MYCBP2: variants seen among roughly 807,000 people sequenced by gnomAD.
The protein encoded by MYCBP2 is MYC binding protein 2, also known as E3 ubiquitin-protein ligase MYCBP2.
A neutral mutation model predicts 525.3 loss-of-function variants in MYCBP2; 120 were observed. That is an observed-to-expected ratio of 0.23 (90% confidence interval 0.20 to 0.27). The LOEUF is 0.27. Among genes scored for constraint, MYCBP2 ranks in the 10% least tolerant of loss-of-function variants. The pLI, the probability that MYCBP2 is intolerant of heterozygous loss-of-function variation, is 1.00. For missense variants in MYCBP2, 4,149 were observed against 5,657.1 expected, an observed-to-expected ratio of 0.73 and a Z score of 8.55; for synonymous variants, 1,894 against 1,955.8, an observed-to-expected ratio of 0.97 and a Z score of 0.83.
At chr13:77,104,730 C>T (rs559852063) in intron 55 of MYCBP2, among the ~76,000 whole-genome samples, 4 of 152,018 alleles carry the variant, frequency 2.6e-5, no homozygotes, top group South Asian at 4.1e-4. Flanking sequence ...ACCTTAGAAC[C>T]GACAACTGAA....
chr13:77,282,924 A>T (rs1490748557), intron 3 of MYCBP2, among the ~76,000 whole-genome samples: 1 of 152,064 alleles, frequency 6.6e-6, no homozygotes, highest in Admixed American at 6.5e-5. Flanking sequence ...TATTCAAAAC[A>T]CTGTCACTAC....
intron 79 of MYCBP2, among the ~76,000 whole-genome samples, chr13:77,056,099 GGTGTGTGTGTGTGTGTGTGTGTGTGTGT>G (rs56952443): frequency 5.8e-5 from 7 of 120,522 alleles, no homozygotes; most frequent in Admixed American, 8.5e-5. Context: ...CTCTGTGTTT[GGTGTGTGTGTGTGTGTGTGTGTGTGTGT>G]GTGTGTGTGT....
At position 77,165,277 on chromosome 13, in the gene MYCBP2, T is replaced by C; in HGVS notation, c.6455A>G (p.Asp2152Gly). 1 of 1,598,254 alleles carries C rather than the reference T, an allele frequency of 6.3e-7. No homozygotes were observed. Among genetic ancestry groups the C allele is most frequent in the South Asian group, 1.1e-5 (1 of 89,054 alleles). Reference sequence around the variant, plus strand: ...GAAAAGATAATTCATTCTTACCTCATCAGGTCCAGGGCTAAATTCATATCC... The same window carrying C: ...GAAAAGATAATTCATTCTTACCTCACCAGGTCCAGGGCTAAATTCATATCC... ...AIGYEFSPGPDEGVIQLEKEL... is the reference protein window; with the variant it reads ...AIGYEFSPGPGEGVIQLEKEL... The change falls in exon 42 of 83, where the codon GAT (aspartate) becomes GGT (glycine). Residue 2152 changes from aspartate to glycine, a missense_variant. Asp to Gly is a moderately conservative substitution (Grantham distance 94). This residue lies in a region of MYCBP2 where 692 missense variants were observed against 852.7 expected (regional missense o/e 0.81). Transcript: ENST00000544440.
intron 52 of MYCBP2, among the ~76,000 whole-genome samples, chr13:77,135,352 G>A (rs2154177514): frequency 6.6e-6 from 1 of 152,314 alleles, no homozygotes; most frequent in South Asian, 2.1e-4. Context: ...AGCAGTAAAT[G>A]TATAAGACAT....
intron 1 of MYCBP2, among the ~76,000 whole-genome samples, chr13:77,308,027 T>G (rs1158310808): frequency 2.6e-5 from 4 of 152,238 alleles, no homozygotes; most frequent in Non-Finnish European, 5.9e-5. Flanking sequence ...TTACAAACCT[T>G]GTTCAATAAG....
At chr13:77,256,034 G>C (rs932092753) in intron 14 of MYCBP2, among the ~76,000 whole-genome samples, 1 of 151,986 alleles carries the variant, frequency 6.6e-6, no homozygotes, top group Non-Finnish European at 1.5e-5. Context: ...AACAAAACAA[G>C]ACCACAGCAA....
In MYCBP2 at chr13:77,158,016, G is replaced by T; in HGVS notation, c.6691C>A (p.Gln2231Lys). 6.2e-7 allele frequency: 1 copy of T among 1,613,698 alleles called. No individual in the cohort carries two copies. The highest frequency in any genetic ancestry group is 8.5e-7 in the Non-Finnish European group (1 of 1,179,774). ...LEALEGNLPL[Q>K]IQSNEQSFLD... The stretch of plus-strand genomic sequence containing the variant: ...AAAGACTGTTCATTGCTTTGGATTT[G>T]GAGTGGTAAATTTCCCTCAAGTGCT... The change falls in exon 45 of 83, where the codon CAA becomes AAA. Residue 2231 changes from glutamine to lysine, a missense_variant. By Grantham distance (53) the Gln-to-Lys change is moderately conservative (BLOSUM62 1). This residue lies in a region of MYCBP2 where 692 missense variants were observed against 852.7 expected (regional missense o/e 0.81). Coordinates refer to ENST00000544440, the MANE Select transcript of MYCBP2 (RefSeq NM_015057.5).
intron 21 of MYCBP2, among the ~76,000 whole-genome samples, chr13:77,214,769 G>A (rs2064566847): frequency 6.6e-6 from 1 of 152,104 alleles, no homozygotes; most frequent in African/African-American, 2.4e-5. Flanking sequence ...ACAGCATGCT[G>A]GTGTACTGAA....
At chr13:77,287,469 G>GA (rs1236088920) in intron 3 of MYCBP2, among the ~76,000 whole-genome samples, 1 of 152,294 alleles carries the variant, frequency 6.6e-6, no homozygotes, top group Non-Finnish European at 1.5e-5. Context: ...ACAGGTGTGA[G>GA]AGCCACTGCG....
chr13:77,324,772 T>C (rs546159206), intron 1 of MYCBP2, among the ~76,000 whole-genome samples: 2 of 152,326 alleles, frequency 1.3e-5, no homozygotes, highest in Non-Finnish European at 2.9e-5. Flanking sequence ...ACAGAAATCA[T>C]ATTACACTAG....
intron 52 of MYCBP2, among the ~76,000 whole-genome samples, chr13:77,137,715 A>G (rs552182878): frequency 3.7e-4 from 56 of 152,202 alleles, no homozygotes; most frequent in South Asian, 3.5e-3. Context: ...CAGCCTCCAG[A>G]GTAGCTAGGA....
In MYCBP2 at chr13:77,098,765, T is replaced by C. The variant is rs756186104; in HGVS notation, c.8389A>G (p.Thr2797Ala). The change falls in exon 56 of 83, where the codon ACA (threonine) becomes GCA (alanine). Residue 2797 changes from threonine (T) to alanine (A), a missense_variant. Thr to Ala is a moderately conservative substitution (Grantham distance 58). Transcript: ENST00000544440. ...SLSPNHNTLQ[T>A]LKSDGRMPSS... The stretch of plus-strand genomic sequence containing the variant: ...GGCATCCTCCCATCAGATTTCAATG[T>C]CTGCAAGGTGTTATGGTTGGGGGAT... 2 of 1,613,424 alleles carry C rather than the reference T, an allele frequency of 1.2e-6. No homozygotes were observed. The highest frequency in any genetic ancestry group is 2.7e-5 in the African/African-American group (2 of 74,796).
In MYCBP2 at chr13:77,045,425, C is replaced by G; in HGVS notation, c.13990G>C (p.Glu4664Gln). ...LHVVHPPTGE[E>Q]FALGCGVCRN... Reference sequence around the variant, plus strand: ...CACACTCCACATCCCAGAGCAAACTCTTCCCCAGTGGGTGGATGAACAACA... The same window carrying G: ...CACACTCCACATCCCAGAGCAAACTGTTCCCCAGTGGGTGGATGAACAACA... The change falls in exon 83 of 83, where the codon GAG becomes CAG. Residue 4664 changes from glutamate (E) to glutamine (Q), a missense_variant. Around this residue, in one of 21 missense-constraint regions of MYCBP2, gnomAD observed 45 missense variants for 130.1 expected, o/e 0.35. Coordinates refer to ENST00000544440, the MANE Select transcript of MYCBP2 (RefSeq NM_015057.5). 6.2e-7 allele frequency: 1 copy of G among 1,614,198 alleles called. No homozygotes were observed. The highest frequency in any genetic ancestry group is 8.5e-7 in the Non-Finnish European group (1 of 1,180,030).
At chr13:77,144,656 C>T (rs538517386) in intron 48 of MYCBP2, 96 bp from the exon 49 acceptor site, 2 of 825,220 alleles carry the variant, frequency 2.4e-6, no homozygotes, top group Admixed American at 1.8e-5. Flanking sequence ...TGTTTGCATA[C>T]CTCCTGGCAA....
intron 23 of MYCBP2, among the ~76,000 whole-genome samples, chr13:77,210,042 C>A (rs1045596478): frequency 1.3e-5 from 2 of 152,106 alleles, no homozygotes; most frequent in Non-Finnish European, 2.9e-5. Context: ...GGAATCTTGC[C>A]TACTAAGGCC....
chr13:77,196,409 G>A (rs1488704180), intron 26 of MYCBP2, among the ~76,000 whole-genome samples: 1 of 152,082 alleles, frequency 6.6e-6, no homozygotes, highest in Non-Finnish European at 1.5e-5. Context: ...GAGAATCACT[G>A]CCACACTCAG....
intron 19 of MYCBP2, among the ~76,000 whole-genome samples, chr13:77,224,860 T>G (rs1033452355): frequency 2.6e-5 from 4 of 152,122 alleles, no homozygotes; most frequent in Non-Finnish European, 5.9e-5. Flanking sequence ...AAAATATTGT[T>G]CTCTCCTATC....
intron 68 of MYCBP2, among the ~76,000 whole-genome samples, chr13:77,074,379 G>A (rs545094463): frequency 2.0e-5 from 3 of 152,136 alleles, no homozygotes; most frequent in South Asian, 2.1e-4. Context: ...GAAAAGAAGA[G>A]AATATCTGTG....
chr13:77,260,532 T>A lies in MYCBP2; in HGVS notation c.1913A>T (p.Lys638Met). The change falls in exon 13 of 83, where the codon AAG becomes ATG. Residue 638 changes from lysine (K) to methionine (M), a missense_variant. Physicochemically the swap from Lys to Met is moderately conservative, Grantham distance 95. Transcript: ENST00000544440. ...ATTGCAGGCTGTATATACCACAATC[T>A]TTCCTTCCATCTTAATTATCTTTTT... ...KPKKIIKMEG[K>M]IVVYTACNNG... The A allele has an allele frequency of 6.2e-7, 1 of 1,611,122 alleles. No individual in the cohort carries two copies. Among genetic ancestry groups the A allele is most frequent in the Non-Finnish European group, 8.5e-7 (1 of 1,178,886 alleles).
Sources: gnomAD v4.1 joint callset for allele counts (sites outside exome capture counted in the v4.1 genomes callset) on GRCh38, gnomAD v4.1.1 for gene constraint, gnomAD v4.1.1 regional missense constraint, MANE v1.5 for transcripts, NCBI Gene and HGNC (gene_info 2026-07-23, HGNC 2026-07-21) for gene names.